Variants in ARHGAP42 observed in about 807,000 individuals in gnomAD.
The protein encoded by ARHGAP42 is Rho GTPase activating protein 42, also known as rho GTPase-activating protein 42.
ARHGAP42 carries 63 observed loss-of-function variants against 125.0 expected under a neutral mutation model. The observed-to-expected ratio is 0.50, with a 90% CI of 0.41 to 0.62. The LOEUF (loss-of-function observed/expected upper bound fraction) is 0.62. Ranked by LOEUF, ARHGAP42 falls within the 20% of genes least tolerant of loss-of-function variation. The probability of loss-of-function intolerance (pLI) is 0.00; values close to 1 mark genes in which losing one functional copy is unlikely to be tolerated. For synonymous variants in ARHGAP42, 339 were observed against 351.0 expected (o/e 0.97, Z 0.38); for missense variants, 766 against 1,024.2 (o/e 0.75, Z 3.44).
chr11:100,778,255 C>G (rs949210610), intron 2 of ARHGAP42, among the ~76,000 whole-genome samples: 1 of 151,684 alleles, frequency 6.6e-6, no homozygotes, highest in Non-Finnish European at 1.5e-5. Flanking sequence ...ATTTCTAAAC[C>G]AAAGGCAATG....
At chr11:100,949,749 A>G (rs1868125703) in intron 11 of ARHGAP42, among the ~76,000 whole-genome samples, 168 bp from the exon 12 acceptor site, 1 of 152,160 alleles carries the variant, frequency 6.6e-6, no homozygotes, top group Non-Finnish European at 1.5e-5. Flanking sequence ...GGTGAACCAC[A>G]GGAAGGAAGT....
chr11:100,926,985 T>G (rs545105907), intron 6 of ARHGAP42, among the ~76,000 whole-genome samples: 1 of 152,204 alleles, frequency 6.6e-6, no homozygotes, highest in East Asian at 1.9e-4. Context: ...TGTTTAAAGT[T>G]AATGCAGAAA....
At chr11:100,782,490 G>A (rs1863338056) in intron 2 of ARHGAP42, among the ~76,000 whole-genome samples, 1 of 152,158 alleles carries the variant, frequency 6.6e-6, no homozygotes, top group South Asian at 2.1e-4. Flanking sequence ...GAAATTAATG[G>A]AACTAATTGG....
chr11:100,759,794 A>G (rs1256132886), intron 1 of ARHGAP42, among the ~76,000 whole-genome samples: 2 of 152,202 alleles, frequency 1.3e-5, no homozygotes, highest in African/African-American at 4.8e-5. Flanking sequence ...ACCTCAATAT[A>G]TGCATTTAAA....
intron 2 of ARHGAP42, among the ~76,000 whole-genome samples, chr11:100,776,773 A>G (rs1863136502): frequency 1.3e-5 from 2 of 152,244 alleles, no homozygotes; most frequent in East Asian, 1.9e-4. Flanking sequence ...ACCTCAGGTC[A>G]GGAGTTCAAG....
At chr11:100,875,154 G>GTGT (rs1565253822) in intron 4 of ARHGAP42, among the ~76,000 whole-genome samples, 119 of 110,762 alleles carry the variant, frequency 1.1e-3, no homozygotes, top group African/African-American at 4.0e-3. Context: ...TGTGTGTGTG[G>GTGT]CTCATGAACT....
At chr11:100,780,964 G>A (rs557368850) in intron 2 of ARHGAP42, among the ~76,000 whole-genome samples, 1 of 152,300 alleles carries the variant, frequency 6.6e-6, no homozygotes, top group African/African-American at 2.4e-5. Flanking sequence ...CCTTGTGGGT[G>A]TTATGGGCAC....
intron 22 of ARHGAP42, among the ~76,000 whole-genome samples, chr11:100,985,891 G>T (rs1478963030): frequency 6.6e-6 from 1 of 152,212 alleles, no homozygotes; most frequent in Non-Finnish European, 1.5e-5. Flanking sequence ...ACAGGGAAAT[G>T]AAATTATAAT....
At chr11:100,749,286 G>T (rs1330313140) in intron 1 of ARHGAP42, among the ~76,000 whole-genome samples, 2 of 150,776 alleles carry the variant, frequency 1.3e-5, no homozygotes, top group African/African-American at 2.4e-5. Flanking sequence ...TCAAACAAGG[G>T]ATGTCTTGCC....
chr11:100,790,853 T>A (rs1863547544), intron 2 of ARHGAP42, among the ~76,000 whole-genome samples: 1 of 152,156 alleles, frequency 6.6e-6, no homozygotes, highest in African/African-American at 2.4e-5. Flanking sequence ...TTAGTCTGGA[T>A]CCCCAAAACC....
chr11:100,802,036 A>C (rs895384680), intron 3 of ARHGAP42, among the ~76,000 whole-genome samples: 1 of 152,204 alleles, frequency 6.6e-6, no homozygotes, highest in Non-Finnish European at 1.5e-5. Flanking sequence ...GGTGTCATTG[A>C]TTAGGTGTCT....
intron 4 of ARHGAP42, among the ~76,000 whole-genome samples, chr11:100,897,890 G>A (rs530465845): frequency 2.6e-5 from 4 of 152,294 alleles, no homozygotes; most frequent in African/African-American, 9.6e-5. Flanking sequence ...GAATAGGAGT[G>A]GTGAGAGAGG....
Position 100,992,878 on chromosome 11 carries a change from G to T in ARHGAP42, c.*4077G>T. 5 of 434,062 alleles carry T rather than the reference G, an allele frequency of 1.2e-5. No individual in the cohort carries two copies. The highest frequency in any genetic ancestry group is 2.1e-5 in the Non-Finnish European group (5 of 242,992). The allele number at this position is 434,062 out of a possible 1,614,324, so 26.9% of individuals were successfully genotyped here. On this transcript the variant is annotated 3_prime_UTR_variant, in exon 24 of 24. Transcript: ENST00000298815. ...TGATTACAAGGTGTCTGTGGTTTAG[G>T]GGGCCCAGCCCATCATTCCTTTTCC... is the stretch of plus-strand genomic sequence containing the variant.
intron 6 of ARHGAP42, 99 bp from the exon 7 acceptor site, chr11:100,933,057 T>A (rs1867629899): frequency 1.3e-6 from 1 of 798,500 alleles, no homozygotes; most frequent in South Asian, 2.1e-5. Context: ...TGTATTAGTT[T>A]GAGGAATTAT....
intron 2 of ARHGAP42, among the ~76,000 whole-genome samples, chr11:100,773,009 G>T (rs1863019173): frequency 6.6e-6 from 1 of 152,050 alleles, no homozygotes; most frequent in South Asian, 2.1e-4. Context: ...GCTAATTTTT[G>T]TATTTTTAGT....
At chr11:100,820,336 C>G (rs925271344) in intron 3 of ARHGAP42, among the ~76,000 whole-genome samples, 1 of 152,028 alleles carries the variant, frequency 6.6e-6, no homozygotes, top group African/African-American at 2.4e-5. Flanking sequence ...TTGGAGGCTA[C>G]CATGGCCATA....
At chr11:100,719,681 G>A (rs1054180880) in intron 1 of ARHGAP42, among the ~76,000 whole-genome samples, 53 of 152,186 alleles carry the variant, frequency 3.5e-4, no homozygotes, top group African/African-American at 1.2e-3. Context: ...TGTGTGTGTT[G>A]TGTGTGCAGG....
intron 3 of ARHGAP42, among the ~76,000 whole-genome samples, chr11:100,799,952 G>A (rs1863812832): frequency 6.6e-6 from 1 of 152,210 alleles, no homozygotes; most frequent in Non-Finnish European, 1.5e-5. Context: ...GTTATTTAAT[G>A]TGCCCAGGAG....
chr11:100,701,747 C>T (rs1313679620), intron 1 of ARHGAP42, among the ~76,000 whole-genome samples: 1 of 152,216 alleles, frequency 6.6e-6, no homozygotes, highest in Non-Finnish European at 1.5e-5. Context: ...ATCTTCTCTA[C>T]AGACCACTCA....
Sources: allele counts gnomAD v4.1 joint callset (sites outside exome capture counted in the v4.1 genomes callset), GRCh38; gene constraint gnomAD v4.1.1; transcripts MANE v1.5; gene names NCBI Gene and HGNC (gene_info 2026-07-23, HGNC 2026-07-21).